The following EFNA2 variants were observed in gnomAD, a reference collection of about 807,000 sequenced individuals.
EFNA2 encodes ephrin A2.
EFNA2 carries 18 observed loss-of-function variants against 19.7 expected under a neutral mutation model. That is an observed-to-expected ratio of 0.91 (90% CI 0.63 to 1.35). EFNA2 has a LOEUF of 1.35. Ranked by LOEUF, EFNA2 falls within the 40% of genes most tolerant of loss-of-function variation. The pLI is 0.00. For synonymous variants in EFNA2, 187 were observed against 137.8 expected (o/e 1.36, Z -2.50); for missense variants, 303 against 296.0 (o/e 1.02, Z -0.17).
rs1166726275 is a variant in EFNA2 at position 1,301,327 on chromosome 19, G to A, written c.*1382G>A. Among the ~76,000 whole-genome samples the A allele has an allele frequency of 6.6e-6, 1 of 151,278 alleles. No individual in the cohort carries two copies. Among genetic ancestry groups the A allele is most frequent in the African/African-American group, 2.4e-5 (1 of 41,304 alleles). ...GCTTTTGTAGGGGGTCGGCGGGGCGGGCCGCGTTGCCAGGCCTGGAGCTGG... is the reference window on the plus strand; with the variant it reads ...GCTTTTGTAGGGGGTCGGCGGGGCGAGCCGCGTTGCCAGGCCTGGAGCTGG... On this transcript the variant is annotated 3_prime_UTR_variant, in exon 4 of 4. Coordinates refer to ENST00000215368, the MANE Select transcript of EFNA2 (RefSeq NM_001405.4).
In EFNA2 at chr19:1,300,143, G is replaced by A. The variant is rs111509049; in HGVS notation, c.*198G>A. On this transcript the variant is annotated 3_prime_UTR_variant, in exon 4 of 4. Coordinates refer to ENST00000215368, the MANE Select transcript of EFNA2 (RefSeq NM_001405.4). ...GCCCTCAGGGAGGGGAAACGGCCGA[G>A]AGCCCCCCCCCGGAGGCCCGAGGGG... 144 of 699,374 alleles carry A rather than the reference G, an allele frequency of 2.1e-4. No homozygotes were observed. The African/African-American group carries it at 2.6e-3, about 12-fold the overall frequency. The allele number at this position is 699,374 out of a possible 1,614,324, so 43.3% of individuals were successfully genotyped here.
rs1464594904 is a variant in EFNA2, at chr19:1,286,108, GAGGCGGAGA to G, written c.-56_-48del. 3 of 562,698 alleles carry G rather than the reference GAGGCGGAGA, an allele frequency of 5.3e-6. No individual in the cohort carries two copies. Among genetic ancestry groups the G allele is most frequent in the African/African-American group, 2.1e-5 (1 of 48,492 alleles). The allele number at this position is 562,698 out of a possible 1,614,324, so 34.9% of individuals were successfully genotyped here. Reference sequence around the variant, plus strand: ...CTCGGCGGCGGCGGCGGCGGCGGAGGAGGCGGAGAAGGCTGGCAGGCGGCGGCCGGGAGA... The same window carrying G: ...CTCGGCGGCGGCGGCGGCGGCGGAGGAGGCTGGCAGGCGGCGGCCGGGAGA... On this transcript the variant is annotated 5_prime_UTR_variant, in exon 1 of 4. Coordinates refer to ENST00000215368, the MANE Select transcript of EFNA2 (RefSeq NM_001405.4). The surrounding 1 kb of genome is among the most constrained non-coding windows in gnomAD (Gnocchi z 5.6).
At chr19:1,288,799 C>T (rs867733941) in intron 1 of EFNA2, among the ~76,000 whole-genome samples, 3 of 152,026 alleles carry the variant, frequency 2.0e-5, no homozygotes, top group East Asian at 1.9e-4. Context: ...TCTGGCTGGC[C>T]GGCCCCGCCA....
chr19:1,301,332 C>T lies in EFNA2; in HGVS notation c.*1387C>T, dbSNP rs57521325. ...TGTAGGGGGTCGGCGGGGCGGGCCG[C>T]GTTGCCAGGCCTGGAGCTGGCGACC... On this transcript the variant is annotated 3_prime_UTR_variant, in exon 4 of 4. Transcript: ENST00000215368. 6.0e-3 allele frequency among the ~76,000 whole-genome samples: 903 copies of T among 151,372 alleles called. 13 individuals are homozygous for T. Among genetic ancestry groups the T allele is most frequent in the African/African-American group, 0.021 (858 of 41,394 alleles).
At chr19:1,298,672 C>A in intron 3 of EFNA2, 56 bp downstream of exon 3, 1 of 1,591,084 alleles carries the variant, frequency 6.3e-7, no homozygotes. Context: ...GTCCTAAACC[C>A]ACAGAACCAG....
chr19:1,284,761 C>A (rs1439204247), upstream of EFNA2, among the ~76,000 whole-genome samples: 1 of 152,210 alleles, frequency 6.6e-6, no homozygotes, highest in Non-Finnish European at 1.5e-5. This position sits in a 1 kb window ranked among gnomAD's most constrained non-coding sequence, Gnocchi z 5.3. Context: ...CACACAGGGA[C>A]CTTCGGGTCC....
intron 1 of EFNA2, among the ~76,000 whole-genome samples, chr19:1,292,539 G>C (rs929039647): frequency 1.3e-5 from 2 of 152,230 alleles, no homozygotes; most frequent in Non-Finnish European, 2.9e-5. Context: ...ATATGGGGCG[G>C]GGCACAGGGA....
rs1192503840 is a variant in EFNA2 at position 1,287,130 on chromosome 19, G to A, written c.140+822G>A. Reference sequence around the variant, plus strand: ...ACCAGGTCCGGGCCAGGCACAACGTGGGGGACAGGAGAAGCCCCCGTTGGT... The same window carrying A: ...ACCAGGTCCGGGCCAGGCACAACGTAGGGGACAGGAGAAGCCCCCGTTGGT... On this transcript the variant is annotated intron_variant, in intron 1 of 3. Transcript: ENST00000215368. This position sits in a 1 kb window ranked among gnomAD's most constrained non-coding sequence, Gnocchi z 6.2. Among the ~76,000 whole-genome samples the A allele has an allele frequency of 2.6e-5, 4 of 152,218 alleles. No homozygotes were observed. Among genetic ancestry groups the A allele is most frequent in the Non-Finnish European group, 5.9e-5 (4 of 68,026 alleles).
Position 1,286,246 on chromosome 19 carries a change from C to G in EFNA2, c.78C>G (p.Ala26=), listed in dbSNP as rs2081463682. ...LPLPPPPFAR[A]EDAARANSDR... ...TGCCGCCGCCGCCCTTCGCGCGCGC[C>G]GAGGACGCCGCCCGCGCCAACTCGG... Residue 26 remains alanine (A), a synonymous_variant, in exon 1 of 4, where the codon GCC becomes GCG. Coordinates refer to ENST00000215368, the MANE Select transcript of EFNA2 (RefSeq NM_001405.4). This position sits in a 1 kb window ranked among gnomAD's most constrained non-coding sequence, Gnocchi z 5.6. The G allele has an allele frequency of 7.1e-6, 8 of 1,129,844 alleles. No individual in the cohort carries two copies. Among genetic ancestry groups the G allele is most frequent in the Non-Finnish European group, 7.7e-6 (7 of 907,996 alleles). 70.0% of individuals were successfully genotyped at this position (1,129,844 alleles called of 1,614,324 possible). A position where few individuals can be genotyped will look rare whatever the true frequency, so the allele number is the denominator to read the frequency against.
rs942069245 is a variant in EFNA2, at chr19:1,300,400, G to C, written c.*455G>C. Among the ~76,000 whole-genome samples, 1 of 151,680 alleles carries C rather than the reference G, an allele frequency of 6.6e-6. No homozygotes were observed. The highest frequency in any genetic ancestry group is 2.4e-5 in the African/African-American group (1 of 41,244). On this transcript the variant is annotated 3_prime_UTR_variant, in exon 4 of 4. Transcript: ENST00000215368. ...GGAGGGGAACGCGGAACATGGGGTCGGGAACACAGCCGCTCCCCTCTGCTC... is the reference window on the plus strand; with the variant it reads ...GGAGGGGAACGCGGAACATGGGGTCCGGAACACAGCCGCTCCCCTCTGCTC...
chr19:1,287,865 A>G lies in EFNA2; in HGVS notation c.140+1557A>G, dbSNP rs1299377330. On this transcript the variant is annotated intron_variant, in intron 1 of 3. Transcript: ENST00000215368. The surrounding 1 kb of genome is among the most constrained non-coding windows in gnomAD (Gnocchi z 6.2). Reference sequence around the variant, plus strand: ...TGTCCTTTGTTCTAGCAAACGCCAAACACACGAGGACCCGGCAACCGGGGG... The same window carrying G: ...TGTCCTTTGTTCTAGCAAACGCCAAGCACACGAGGACCCGGCAACCGGGGG... 6.6e-6 allele frequency among the ~76,000 whole-genome samples: 1 copy of G among 152,228 alleles called. No individual in the cohort carries two copies. The highest frequency in any genetic ancestry group is 1.5e-5 in the Non-Finnish European group (1 of 68,026).
In EFNA2 at chr19:1,286,163, G is replaced by C. The variant is rs1024599987; in HGVS notation, c.-6G>C. 8 of 969,688 alleles carry C rather than the reference G, an allele frequency of 8.3e-6. No individual in the cohort carries two copies. Among genetic ancestry groups the C allele is most frequent in the South Asian group, 4.4e-5 (1 of 22,986 alleles). The allele number at this position is 969,688 out of a possible 1,614,324, so 60.1% of individuals were successfully genotyped here. ...GGAGAGCGAGCGCGGCGGCCGGACC[G>C]GGGCCATGGCGCCCGCGCAGCGCCC... On this transcript the variant is annotated 5_prime_UTR_variant, in exon 1 of 4. Coordinates refer to ENST00000215368, the MANE Select transcript of EFNA2 (RefSeq NM_001405.4). The surrounding 1 kb of genome is among the most constrained non-coding windows in gnomAD (Gnocchi z 5.6).
At position 1,295,866 on chromosome 19, in the gene EFNA2, G is replaced by A; in HGVS notation, c.454+8G>A. ...ACGAGTATTACTACATCTGTGAGTG[G>A]GGTCGGGCCGGGGCTGCCGGGGCCC... is the stretch of plus-strand genomic sequence containing the variant. On this transcript the variant is annotated splice_region_variant and intron_variant, in intron 2 of 3. Transcript: ENST00000215368. The surrounding 1 kb of genome is among the most constrained non-coding windows in gnomAD (Gnocchi z 5.8). 6.4e-7 allele frequency: 1 copy of A among 1,574,724 alleles called. No homozygotes were observed. Among genetic ancestry groups the A allele is most frequent in the Non-Finnish European group, 8.6e-7 (1 of 1,166,856 alleles).
intron 1 of EFNA2, among the ~76,000 whole-genome samples, chr19:1,290,445 C>T (rs948963842): frequency 1.3e-5 from 2 of 152,200 alleles, no homozygotes. Context: ...TGGGATTTGA[C>T]CTTCCCCCGT....
In EFNA2 at chr19:1,295,500, G is replaced by A. The variant is rs761101677; in HGVS notation, c.141-45G>A. The A allele has an allele frequency of 6.7e-7, 1 of 1,489,994 alleles. No individual in the cohort carries two copies. The highest frequency in any genetic ancestry group is 8.9e-7 in the Non-Finnish European group (1 of 1,122,550). The allele number at this position is 1,489,994 out of a possible 1,614,324, so 92.3% of individuals were successfully genotyped here. On this transcript the variant is annotated intron_variant, in intron 1 of 3. Coordinates refer to ENST00000215368, the MANE Select transcript of EFNA2 (RefSeq NM_001405.4). The surrounding 1 kb of genome is among the most constrained non-coding windows in gnomAD (Gnocchi z 5.8). ...CCCCGCGCACCCCGACCCGTGCCCC[G>A]TTCCTCGCTCCGGGCGCTGACCTCT... is the stretch of plus-strand genomic sequence containing the variant.
At chr19:1,289,374 G>A (rs1272677797) in intron 1 of EFNA2, among the ~76,000 whole-genome samples, 4 of 152,220 alleles carry the variant, frequency 2.6e-5, no homozygotes, top group African/African-American at 9.6e-5. Context: ...TGGGGTGCAT[G>A]TAAGTGTGTC....
rs2081522895 is a variant in EFNA2, at chr19:1,297,863, G to A, written c.455-688G>A. ...GAGGCGGGTGGATCACCTGAGGTCA[G>A]GAGTTCAAGACCAGCCCGGCCAACA... On this transcript the variant is annotated intron_variant, in intron 2 of 3. Transcript: ENST00000215368. This position sits in a 1 kb window ranked among gnomAD's most constrained non-coding sequence, Gnocchi z 5.0. Among the ~76,000 whole-genome samples the A allele has an allele frequency of 6.6e-6, 1 of 152,070 alleles. No homozygotes were observed. The highest frequency in any genetic ancestry group is 1.5e-5 in the Non-Finnish European group (1 of 68,014).
rs551539475 is a variant in EFNA2, at chr19:1,299,949, C to T, written c.*4C>T. 7.5e-6 allele frequency: 12 copies of T among 1,598,224 alleles called. No homozygotes were observed. Among genetic ancestry groups the T allele is most frequent in the Middle Eastern group, 3.3e-4 (2 of 6,046 alleles). Reference sequence around the variant, plus strand: ...CTGGACCCTCCTGGGTTCCTAGTCCCAGCCCCGCAGGACGCCGACCCTGCC... The same window carrying T: ...CTGGACCCTCCTGGGTTCCTAGTCCTAGCCCCGCAGGACGCCGACCCTGCC... On this transcript the variant is annotated 3_prime_UTR_variant, in exon 4 of 4. Transcript: ENST00000215368.
rs543113444 is a variant in EFNA2 at position 1,301,034 on chromosome 19, C to T, written c.*1089C>T. Among the ~76,000 whole-genome samples the T allele has an allele frequency of 1.3e-3, 203 of 150,388 alleles. No homozygotes were observed. The highest frequency in any genetic ancestry group is 4.5e-3 in the African/African-American group (184 of 40,884). On this transcript the variant is annotated 3_prime_UTR_variant, in exon 4 of 4. Transcript: ENST00000215368. ...TTGGCAATAAGCTCGTGTCGTCTGT[C>T]AGAGCCCCTCTCTCAACTCTGTGAC... is the stretch of plus-strand genomic sequence containing the variant.
Sources: allele counts gnomAD v4.1 joint callset (sites outside exome capture counted in the v4.1 genomes callset), GRCh38; gene constraint gnomAD v4.1.1; non-coding constraint Gnocchi (gnomAD v3.1); transcripts MANE v1.5; gene names NCBI Gene and HGNC (gene_info 2026-07-23, HGNC 2026-07-21).